Variants in ZRANB3 observed in about 807,000 individuals in gnomAD.
ZRANB3 encodes the protein DNA annealing helicase and endonuclease ZRANB3.
ZRANB3 carries 125 observed loss-of-function variants against 133.8 expected under a neutral mutation model. The observed-to-expected ratio is 0.93, with a 90% CI of 0.81 to 1.08. The LOEUF (loss-of-function observed/expected upper bound fraction) is 1.08. Ranked by LOEUF, ZRANB3 falls within the 50% of genes least tolerant of loss-of-function variation. The pLI is 0.00. For synonymous variants in ZRANB3, 387 were observed against 432.7 expected (o/e 0.89, Z 1.31); for missense variants, 1,229 against 1,275.5 (o/e 0.96, Z 0.56).
At chr2:135,354,910 G>A (rs1685363298) in intron 3 of ZRANB3, among the ~76,000 whole-genome samples, 1 of 152,088 alleles carries the variant, frequency 6.6e-6, no homozygotes, top group Admixed American at 6.5e-5. Context: ...ACATAAAAGT[G>A]TGAATTATAC....
At chr2:135,296,230 T>G (rs6757290) in intron 8 of ZRANB3, among the ~76,000 whole-genome samples, 4,530 of 152,314 alleles carry the variant, frequency 0.03, 210 homozygotes, top group African/African-American at 0.1. Flanking sequence ...AGACGTAGAT[T>G]TGGTCTTTTC....
intron 3 of ZRANB3, among the ~76,000 whole-genome samples, chr2:135,374,800 C>G (rs1489040625): frequency 6.6e-6 from 1 of 151,962 alleles, no homozygotes; most frequent in Admixed American, 6.6e-5. Context: ...CCGTGCCCGA[C>G]CTAAAACATA....
At chr2:135,223,040 T>C (rs1465466580) in intron 15 of ZRANB3, among the ~76,000 whole-genome samples, 2 of 151,782 alleles carry the variant, frequency 1.3e-5, no homozygotes, top group Non-Finnish European at 2.9e-5. Flanking sequence ...GATCACAAGG[T>C]CAAGAGGTCG....
At chr2:135,489,372 T>G (rs1026701775) in intron 2 of ZRANB3, among the ~76,000 whole-genome samples, 12 of 149,378 alleles carry the variant, frequency 8.0e-5, no homozygotes, top group African/African-American at 2.9e-4. Context: ...GATGAGTTAA[T>G]GGGTGCAGCA....
intron 17 of ZRANB3, among the ~76,000 whole-genome samples, chr2:135,214,417 G>A (rs1464557968): frequency 6.6e-6 from 1 of 151,786 alleles, no homozygotes; most frequent in Non-Finnish European, 1.5e-5. Flanking sequence ...AAATAATATT[G>A]TGTCTGACTT....
chr2:135,494,461 A>G (rs1359243422), intron 2 of ZRANB3, among the ~76,000 whole-genome samples: 3 of 152,316 alleles, frequency 2.0e-5, no homozygotes, highest in Admixed American at 6.5e-5. Flanking sequence ...TACAGCCATC[A>G]TGACAAAATT....
At chr2:135,323,231 T>C (rs560242517) in intron 6 of ZRANB3, among the ~76,000 whole-genome samples, 26 of 152,284 alleles carry the variant, frequency 1.7e-4, no homozygotes, top group African/African-American at 6.0e-4. Flanking sequence ...TGACACATGA[T>C]AGAATTGGGG....
intron 2 of ZRANB3, among the ~76,000 whole-genome samples, chr2:135,394,253 C>T (rs1687376429): frequency 6.6e-6 from 1 of 152,102 alleles, no homozygotes; most frequent in Non-Finnish European, 1.5e-5. Context: ...CAAAATTACA[C>T]CACTAAAGCA....
chr2:135,265,004 C>A (rs1394174915), intron 12 of ZRANB3, among the ~76,000 whole-genome samples: 3 of 152,100 alleles, frequency 2.0e-5, no homozygotes, highest in African/African-American at 7.2e-5. Flanking sequence ...CTGCCTCAGC[C>A]CCCCAAAGTG....
intron 2 of ZRANB3, among the ~76,000 whole-genome samples, chr2:135,452,461 G>C (rs532460716): frequency 6.6e-6 from 1 of 152,014 alleles, no homozygotes; most frequent in East Asian, 1.9e-4. Flanking sequence ...TAACCTAAAA[G>C]TCCACAATCC....
chr2:135,352,088 T>C (rs1374073256), intron 4 of ZRANB3, among the ~76,000 whole-genome samples: 1 of 151,972 alleles, frequency 6.6e-6, no homozygotes, highest in Non-Finnish European at 1.5e-5. Flanking sequence ...TCCCAGCACT[T>C]TGGGAGGCTG....
chr2:135,384,172 A>T (rs1274490550), intron 3 of ZRANB3, among the ~76,000 whole-genome samples: 3 of 152,224 alleles, frequency 2.0e-5, no homozygotes, highest in Non-Finnish European at 4.4e-5. Context: ...ATCACCACCA[A>T]TTCCACAGAA....
intron 2 of ZRANB3, among the ~76,000 whole-genome samples, chr2:135,418,479 A>G (rs1037807737): frequency 6.6e-6 from 1 of 152,182 alleles, no homozygotes; most frequent in Non-Finnish European, 1.5e-5. Flanking sequence ...GGGCTTAATT[A>G]GCTTTAGTTT....
intron 6 of ZRANB3, among the ~76,000 whole-genome samples, chr2:135,323,923 C>A (rs1683667278): frequency 6.6e-6 from 1 of 151,858 alleles, no homozygotes; most frequent in Non-Finnish European, 1.5e-5. Context: ...ATGCAACAGC[C>A]ACCTCCAGCT....
intron 2 of ZRANB3, among the ~76,000 whole-genome samples, chr2:135,427,024 T>C (rs981896831): frequency 2.0e-5 from 3 of 149,598 alleles, no homozygotes; most frequent in African/African-American, 7.3e-5. Flanking sequence ...TCACTTCACA[T>C]TAAAAACTCT....
chr2:135,212,317 A>G (rs550806655), intron 17 of ZRANB3, among the ~76,000 whole-genome samples: 1 of 152,302 alleles, frequency 6.6e-6, no homozygotes, highest in Admixed American at 6.5e-5. Context: ...TATTCCCTTG[A>G]AAAATGCACT....
chr2:135,251,928 G>A (rs1233664354), intron 12 of ZRANB3, among the ~76,000 whole-genome samples: 3 of 152,124 alleles, frequency 2.0e-5, no homozygotes, highest in South Asian at 2.1e-4. Context: ...CCAGCTACTC[G>A]GGAGGCTGAG....
At position 135,217,465 on chromosome 2, in the gene ZRANB3, C is replaced by G; in HGVS notation, c.2495G>C (p.Arg832Thr). 6.2e-7 allele frequency: 1 copy of G among 1,603,592 alleles called. No homozygotes were observed. The highest frequency in any genetic ancestry group is 8.5e-7 in the Non-Finnish European group (1 of 1,176,468). Residue 832 changes from arginine (R) to threonine (T), a missense_variant and splice_region_variant, in exon 17 of 21, where the codon AGA (arginine) becomes ACA (threonine). By Grantham distance (71) the Arg-to-Thr change is moderately conservative. Coordinates refer to ENST00000264159, the MANE Select transcript of ZRANB3 (RefSeq NM_032143.4). ...KQQTKQNCTK[R>T]YITKEDVAVA... is the part of the protein sequence containing the mutation. ...AAATTTAAAAAAAGACAACTCATAC[C>G]TTTTGGTGCAATTTTGTTTGGTTTG...
intron 3 of ZRANB3, among the ~76,000 whole-genome samples, chr2:135,366,573 C>G (rs1157793619): frequency 1.3e-5 from 2 of 151,298 alleles, no homozygotes; most frequent in African/African-American, 4.9e-5. Flanking sequence ...TCAAATGAGA[C>G]AGCAAAATCA....
Sources: allele counts gnomAD v4.1 joint callset (sites outside exome capture counted in the v4.1 genomes callset), GRCh38; gene constraint gnomAD v4.1.1; transcripts MANE v1.5; gene names NCBI Gene and HGNC (gene_info 2026-07-23, HGNC 2026-07-21).